The following RGS7 variants were observed in gnomAD, a reference collection of about 807,000 sequenced individuals.
The protein encoded by RGS7 is regulator of G-protein signaling 7.
RGS7 carries 27 observed loss-of-function variants against 81.1 expected under a neutral mutation model. The observed-to-expected ratio is 0.33, with a 90% CI of 0.25 to 0.46. RGS7 has a LOEUF of 0.46. Ranked by LOEUF, RGS7 falls within the 20% of genes least tolerant of loss-of-function variation. The pLI, the probability that RGS7 is intolerant of heterozygous loss-of-function variation, is 1.00. For missense variants in RGS7, 396 were observed against 607.4 expected, an observed-to-expected ratio of 0.65 and a Z score of 3.66; for synonymous variants, 208 against 207.7, an observed-to-expected ratio of 1.00 and a Z score of -0.01.
intron 2 of RGS7, among the ~76,000 whole-genome samples, chr1:241,279,596 G>C (rs1259758800): frequency 6.6e-6 from 1 of 152,136 alleles, no homozygotes; most frequent in Admixed American, 6.5e-5. Context: ...CTAACATCTT[G>C]CAAAAGTATA....
At chr1:240,920,186 AG>A in intron 6 of RGS7, 1 of 1,066,544 alleles carries the variant, frequency 9.4e-7, no homozygotes, top group Non-Finnish European at 1.4e-6. Flanking sequence ...AAGTTAGGAA[AG>A]CCCTGTCAAA....
At chr1:241,161,193 G>C (rs1473118589) in intron 2 of RGS7, among the ~76,000 whole-genome samples, 1 of 152,058 alleles carries the variant, frequency 6.6e-6, no homozygotes, top group African/African-American at 2.4e-5. Context: ...AATTTTTGAG[G>C]GAACTAAGCC....
chr1:241,256,609 G>A (rs956950852), intron 2 of RGS7, among the ~76,000 whole-genome samples: 5 of 152,258 alleles, frequency 3.3e-5, no homozygotes, highest in Non-Finnish European at 5.9e-5. Context: ...CCAAGATCAA[G>A]GTGTTGCCAT....
At chr1:241,061,634 G>A (rs547436678) in intron 3 of RGS7, among the ~76,000 whole-genome samples, 47 of 152,294 alleles carry the variant, frequency 3.1e-4, no homozygotes, top group African/African-American at 1.1e-3. Context: ...ATAGGCTAAG[G>A]CAGGGGAGAG....
At chr1:241,205,087 T>TTC (rs931249632) in intron 2 of RGS7, among the ~76,000 whole-genome samples, 1 of 149,902 alleles carries the variant, frequency 6.7e-6, no homozygotes, top group African/African-American at 2.5e-5. Flanking sequence ...TTTTTTTTTT[T>TTC]TTTTTTTTGA....
chr1:240,775,392 G>T (rs1387251773), downstream of RGS7: 1 of 152,138 alleles, frequency 6.6e-6, no homozygotes, highest in Non-Finnish European at 1.5e-5. Context: ...ATCCAAGCTT[G>T]TCTTGAAACC....
intron 2 of RGS7, among the ~76,000 whole-genome samples, chr1:241,190,060 G>T (rs59303036): frequency 6.6e-6 from 1 of 151,822 alleles, no homozygotes; most frequent in Non-Finnish European, 1.5e-5. Context: ...CCGAGATGGC[G>T]CCACTGCACT....
At chr1:241,042,099 A>G (rs933189103) in intron 3 of RGS7, among the ~76,000 whole-genome samples, 2 of 152,194 alleles carry the variant, frequency 1.3e-5, no homozygotes, top group Non-Finnish European at 2.9e-5. Context: ...GAGAAAGAAT[A>G]ACTCTAAGGA....
chr1:241,065,300 T>A (rs1346922390), intron 3 of RGS7, among the ~76,000 whole-genome samples: 1 of 149,634 alleles, frequency 6.7e-6, no homozygotes, highest in African/African-American at 2.5e-5. Flanking sequence ...TAGATATAGA[T>A]ATAATAGATA....
intron 2 of RGS7, among the ~76,000 whole-genome samples, chr1:241,223,768 G>C (rs1024979241): frequency 2.6e-5 from 4 of 151,370 alleles, no homozygotes; most frequent in Admixed American, 6.6e-5. Flanking sequence ...CTAATAATTA[G>C]AGCTTTTCTG....
rs74150242 is a variant in RGS7 at position 241,185,593 on chromosome 1, T to C, written c.79-86831A>G. On this transcript the variant is annotated intron_variant, in intron 2 of 18. Transcript: ENST00000440928. ...CCAAATTAGACCGTATTCTGAGCTA[T>C]AAAACAAACTTTAACAAATCATGAA... 3.6e-3 allele frequency among the ~76,000 whole-genome samples: 547 copies of C among 152,194 alleles called. 5 individuals carry two copies. Among genetic ancestry groups the C allele is most frequent in the African/African-American group, 0.013 (520 of 41,556 alleles).
At chr1:241,001,620 A>G (rs990493179) in intron 3 of RGS7, among the ~76,000 whole-genome samples, 1 of 152,226 alleles carries the variant, frequency 6.6e-6, no homozygotes, top group Non-Finnish European at 1.5e-5. Context: ...GAAATGAACT[A>G]CCAAGCCATG....
chr1:240,940,607 CG>C (rs1450004217), intron 4 of RGS7, among the ~76,000 whole-genome samples: 1 of 152,030 alleles, frequency 6.6e-6, no homozygotes, highest in Non-Finnish European at 1.5e-5. Context: ...AGGAAATCTG[CG>C]GAGTATAGAT....
At chr1:240,898,890 A>G (rs567849474) in intron 6 of RGS7, among the ~76,000 whole-genome samples, 92 of 152,128 alleles carry the variant, frequency 6.0e-4, no homozygotes, top group African/African-American at 2.1e-3. Flanking sequence ...GGATGTTAAA[A>G]TCTCCCATTA....
intron 3 of RGS7, among the ~76,000 whole-genome samples, chr1:241,053,300 G>T: frequency 6.6e-6 from 1 of 152,102 alleles, no homozygotes; most frequent in East Asian, 1.9e-4. Context: ...CATGCTGTAG[G>T]GCAAGCAGGC....
intron 5 of RGS7, among the ~76,000 whole-genome samples, chr1:240,932,920 G>A (rs1161924270): frequency 9.7e-6 from 1 of 103,622 alleles, no homozygotes; most frequent in African/African-American, 3.9e-5. Flanking sequence ...GTCTCGCTCT[G>A]TCGCCCAGGC....
intron 3 of RGS7, among the ~76,000 whole-genome samples, chr1:241,074,746 G>A (rs960727854): frequency 4.6e-5 from 7 of 152,108 alleles, no homozygotes; most frequent in Admixed American, 2.0e-4. Flanking sequence ...CATATGAACC[G>A]AGAGTCAGGT....
At chr1:240,825,110 C>T (rs1353926306) in intron 10 of RGS7, among the ~76,000 whole-genome samples, 1 of 152,168 alleles carries the variant, frequency 6.6e-6, no homozygotes, top group Non-Finnish European at 1.5e-5. Context: ...AAATCATATA[C>T]TTATATCCAT....
intron 9 of RGS7, among the ~76,000 whole-genome samples, chr1:240,844,140 G>C (rs1316605787): frequency 6.6e-6 from 1 of 152,094 alleles, no homozygotes; most frequent in Non-Finnish European, 1.5e-5. Context: ...CTTTACCCAG[G>C]TTCTCCTATT....
Sources: gnomAD v4.1 joint callset for allele counts (sites outside exome capture counted in the v4.1 genomes callset) on GRCh38, gnomAD v4.1.1 for gene constraint, MANE v1.5 for transcripts, NCBI Gene and HGNC (gene_info 2026-07-23, HGNC 2026-07-21) for gene names.